DTWD2: variants seen among roughly 807,000 people sequenced by gnomAD.
The protein encoded by DTWD2 is tRNA-uridine aminocarboxypropyltransferase 2.
DTWD2 carries 39 observed loss-of-function variants against 31.8 expected under a neutral mutation model. The ratio of observed to expected loss-of-function variants is 1.22; its 90% CI spans 0.95 to 1.60. DTWD2 has a LOEUF of 1.60. Ranked by LOEUF, DTWD2 falls within the 40% of genes most tolerant of loss-of-function variation. DTWD2 has a pLI of 0.00. For missense variants in DTWD2, 515 were observed against 381.5 expected, an observed-to-expected ratio of 1.35 and a Z score of -2.92; for synonymous variants, 180 against 142.8, an observed-to-expected ratio of 1.26 and a Z score of -1.86.
intron 4 of DTWD2, among the ~76,000 whole-genome samples, chr5:118,863,391 C>A (rs1752311490): frequency 1.3e-5 from 2 of 152,132 alleles, no homozygotes; most frequent in South Asian, 4.1e-4. Context: ...ATGCACCAAA[C>A]CAAGTAGGCA....
intron 4 of DTWD2, among the ~76,000 whole-genome samples, chr5:118,905,691 G>A (rs897475770): frequency 6.1e-4 from 93 of 152,156 alleles, no homozygotes; most frequent in African/African-American, 2.1e-3. Context: ...TTCTATTTAT[G>A]AAGATAAAAA....
chr5:118,874,420 C>T (rs59705648), intron 4 of DTWD2, among the ~76,000 whole-genome samples: 17,265 of 152,062 alleles, frequency 0.11, 1,092 homozygotes, highest in Middle Eastern at 0.17. Context: ...TTGTTATTTA[C>T]AGAAGTACAT....
intron 4 of DTWD2, among the ~76,000 whole-genome samples, chr5:118,849,186 G>A (rs1561424714): frequency 6.6e-6 from 1 of 151,826 alleles, no homozygotes; most frequent in East Asian, 1.9e-4. Flanking sequence ...CGAGAAAAAA[G>A]GAAAACAACC....
chr5:118,847,869 G>A (rs1751895634), intron 5 of DTWD2, among the ~76,000 whole-genome samples: 1 of 152,020 alleles, frequency 6.6e-6, no homozygotes, highest in Non-Finnish European at 1.5e-5. Context: ...AATGCTGTTT[G>A]CACAGTTTAG....
At chr5:118,988,263 C>A in intron 1 of DTWD2, 31 bp downstream of exon 1, 1 of 1,529,946 alleles carries the variant, frequency 6.5e-7, no homozygotes. Context: ...CCGCTGCCGG[C>A]TGCAGTCCCC....
chr5:118,950,581 G>A (rs1754442577), intron 1 of DTWD2, among the ~76,000 whole-genome samples: 1 of 152,230 alleles, frequency 6.6e-6, no homozygotes, highest in Non-Finnish European at 1.5e-5. Context: ...TCGATTTCCA[G>A]TGGGGTCCCG....
intron 1 of DTWD2, among the ~76,000 whole-genome samples, chr5:118,984,203 C>T (rs1023953841): frequency 2.0e-5 from 3 of 151,826 alleles, no homozygotes; most frequent in Admixed American, 6.6e-5. Flanking sequence ...GCAGGAGGAT[C>T]GCTTGAACCT....
At chr5:118,955,943 G>A (rs531523924) in intron 1 of DTWD2, among the ~76,000 whole-genome samples, 2 of 151,588 alleles carry the variant, frequency 1.3e-5, no homozygotes, top group African/African-American at 4.9e-5. Context: ...AATTTATATA[G>A]ATATGAGAAA....
At chr5:118,846,996 G>C (rs1467016716) in intron 5 of DTWD2, among the ~76,000 whole-genome samples, 1 of 145,886 alleles carries the variant, frequency 6.9e-6, no homozygotes, top group South Asian at 2.2e-4. Context: ...TTTTTCAAAA[G>C]AAGAAAAGTC....
intron 4 of DTWD2, among the ~76,000 whole-genome samples, chr5:118,870,675 T>C (rs1752481600): frequency 6.6e-6 from 1 of 152,208 alleles, no homozygotes; most frequent in Admixed American, 6.5e-5. Context: ...AGTTGATGTC[T>C]GCTAACTGAT....
At chr5:118,862,939 G>T (rs1752295325) in intron 4 of DTWD2, among the ~76,000 whole-genome samples, 1 of 152,174 alleles carries the variant, frequency 6.6e-6, no homozygotes, top group Non-Finnish European at 1.5e-5. Context: ...TGTTGAAAAG[G>T]CTATATCCCT....
chr5:118,872,257 T>A (rs540217680), intron 4 of DTWD2, among the ~76,000 whole-genome samples: 7 of 152,230 alleles, frequency 4.6e-5, no homozygotes, highest in South Asian at 2.1e-4. Flanking sequence ...TTTTTTATCA[T>A]TTATGTGTTC....
intron 4 of DTWD2, among the ~76,000 whole-genome samples, chr5:118,902,178 T>G (rs1038745952): frequency 6.6e-6 from 1 of 152,156 alleles, no homozygotes; most frequent in African/African-American, 2.4e-5. Flanking sequence ...GATGAAGTAC[T>G]GAATAGTGGA....
chr5:118,877,194 C>T (rs13170553), intron 4 of DTWD2, among the ~76,000 whole-genome samples: 28,855 of 152,170 alleles, frequency 0.19, 3,589 homozygotes, highest in Non-Finnish European at 0.28. Context: ...CTCAAGTGGC[C>T]GGGTACAGTG....
At chr5:118,946,505 A>T (rs1457535539) in intron 1 of DTWD2, among the ~76,000 whole-genome samples, 1 of 152,230 alleles carries the variant, frequency 6.6e-6, no homozygotes, top group Non-Finnish European at 1.5e-5. Flanking sequence ...CTATTAAGTT[A>T]ATCAAAACCA....
chr5:118,972,383 A>G (rs1254391064), intron 1 of DTWD2, among the ~76,000 whole-genome samples: 1 of 152,214 alleles, frequency 6.6e-6, no homozygotes, highest in East Asian at 1.9e-4. Flanking sequence ...AGAAATGGAT[A>G]AATTCCTAGA....
chr5:118,978,151 G>A (rs575195092), intron 1 of DTWD2, among the ~76,000 whole-genome samples: 2 of 151,858 alleles, frequency 1.3e-5, no homozygotes, highest in Non-Finnish European at 2.9e-5. Context: ...CGTGGTGCTG[G>A]GAGAACTGGC....
chr5:118,938,451 C>T lies in DTWD2; in HGVS notation c.404+745G>A, dbSNP rs181091147. 2.0e-4 allele frequency among the ~76,000 whole-genome samples: 31 copies of T among 152,202 alleles called. 1 individual carries two copies. Among genetic ancestry groups the T allele is most frequent in the African/African-American group, 1.4e-4 (6 of 41,548 alleles). ...AGCAGTATGTCTCTTAATCATTCCCCGATGATTTCATCATGTACTCTAACA... is the reference window on the plus strand; with the variant it reads ...AGCAGTATGTCTCTTAATCATTCCCTGATGATTTCATCATGTACTCTAACA... On this transcript the variant is annotated intron_variant, in intron 3 of 5. Coordinates refer to ENST00000510708, the MANE Select transcript of DTWD2 (RefSeq NM_173666.4).
intron 1 of DTWD2, among the ~76,000 whole-genome samples, chr5:118,968,630 G>A (rs927872310): frequency 5.3e-5 from 8 of 152,184 alleles, no homozygotes; most frequent in African/African-American, 1.9e-4. Flanking sequence ...CAGATCAGGA[G>A]ATCCCCCCCT....
Sources: allele counts gnomAD v4.1 joint callset (sites outside exome capture counted in the v4.1 genomes callset), GRCh38; gene constraint gnomAD v4.1.1; transcripts MANE v1.5; gene names NCBI Gene and HGNC (gene_info 2026-07-23, HGNC 2026-07-21).